UBE4B: variants seen among roughly 807,000 people sequenced by gnomAD.
The protein encoded by UBE4B is ubiquitination factor E4B, also known as ubiquitin conjugation factor E4 B.
A neutral mutation model predicts 148.1 loss-of-function variants in UBE4B; 27 were observed. The observed-to-expected ratio is 0.18, with a 90% CI of 0.13 to 0.25. UBE4B has a LOEUF of 0.25. Among genes scored for constraint, UBE4B ranks in the 10% least tolerant of loss-of-function variants. The pLI is 1.00. For missense variants in UBE4B, 1,170 were observed against 1,662.4 expected (o/e 0.70, Z 5.15); for synonymous variants, 596 against 619.3 (o/e 0.96, Z 0.56).
At chr1:10,034,285 C>A (rs1378842512) in intron 1 of UBE4B, among the ~76,000 whole-genome samples, 1 of 152,148 alleles carries the variant, frequency 6.6e-6, no homozygotes, top group Admixed American at 6.6e-5. Flanking sequence ...TGACTTCTGG[C>A]ATTCTTCTGT....
At chr1:10,102,709 C>T (rs1645036457) in intron 4 of UBE4B, among the ~76,000 whole-genome samples, 1 of 152,160 alleles carries the variant, frequency 6.6e-6, no homozygotes, top group East Asian at 1.9e-4. Flanking sequence ...CCACGCCCGG[C>T]CATCTTTGCT....
At chr1:10,153,759 C>T (rs1438301692) in intron 21 of UBE4B, among the ~76,000 whole-genome samples, 4 of 151,822 alleles carry the variant, frequency 2.6e-5, no homozygotes, top group South Asian at 2.1e-4. Flanking sequence ...ATGAGCCTCG[C>T]CAACATGGTG....
chr1:10,108,204 C>T (rs192700387), intron 7 of UBE4B, among the ~76,000 whole-genome samples: 1 of 149,954 alleles, frequency 6.7e-6, no homozygotes, highest in Non-Finnish European at 1.5e-5. Flanking sequence ...CCAGCCTCCA[C>T]CGCCCCCCTG....
At chr1:10,167,782 G>A (rs983264008) in intron 23 of UBE4B, among the ~76,000 whole-genome samples, 4 of 151,850 alleles carry the variant, frequency 2.6e-5, no homozygotes, top group African/African-American at 9.7e-5. Flanking sequence ...TAGTAGCGAC[G>A]GGGTTTCACC....
At chr1:10,150,272 A>T (rs143870474) in intron 20 of UBE4B, among the ~76,000 whole-genome samples, 1 of 152,318 alleles carries the variant, frequency 6.6e-6, no homozygotes, top group East Asian at 1.9e-4. Flanking sequence ...AAATTTTAAA[A>T]GTGACTCAAA....
intron 21 of UBE4B, among the ~76,000 whole-genome samples, chr1:10,155,027 T>G (rs948809302): frequency 6.6e-6 from 1 of 152,194 alleles, no homozygotes; most frequent in East Asian, 1.9e-4. Context: ...TAAATTTATT[T>G]TGTAGTCAGT....
At chr1:10,140,864 A>G (rs533533820) in intron 17 of UBE4B, among the ~76,000 whole-genome samples, 4 of 152,328 alleles carry the variant, frequency 2.6e-5, no homozygotes, top group African/African-American at 9.6e-5. Flanking sequence ...GTTTTGAATC[A>G]TTTCCTCTGA....
chr1:10,085,729 C>T (rs1032125602), intron 2 of UBE4B, among the ~76,000 whole-genome samples: 3 of 152,164 alleles, frequency 2.0e-5, no homozygotes, highest in South Asian at 2.1e-4. Context: ...TCACTAACAG[C>T]GTGCATTTGA....
chr1:10,061,155 A>G (rs1343902898), intron 1 of UBE4B, among the ~76,000 whole-genome samples: 1 of 152,186 alleles, frequency 6.6e-6, no homozygotes, highest in African/African-American at 2.4e-5. Context: ...TACTTGTAGA[A>G]TTTGTAGTAC....
chr1:10,125,288 G>C (rs1406200379), intron 10 of UBE4B, among the ~76,000 whole-genome samples: 1 of 152,188 alleles, frequency 6.6e-6, no homozygotes, highest in Non-Finnish European at 1.5e-5. Context: ...CTAATTTTTG[G>C]TGATTCTGGA....
chr1:10,120,333 C>T (rs1645389587), intron 9 of UBE4B, among the ~76,000 whole-genome samples: 1 of 151,942 alleles, frequency 6.6e-6, no homozygotes, highest in Non-Finnish European at 1.5e-5. Context: ...CTAGCCTGGC[C>T]AACATGGCAA....
intron 25 of UBE4B, among the ~76,000 whole-genome samples, chr1:10,175,503 T>C (rs1029000456): frequency 1.4e-5 from 2 of 144,548 alleles, no homozygotes; most frequent in Non-Finnish European, 3.0e-5. Context: ...TACAAAAAAT[T>C]AGCCAGGCGT....
rs1375456021 is a variant in UBE4B, at chr1:10,033,626, C to G, written c.-45C>G. The G allele has an allele frequency of 5.3e-6, 8 of 1,506,786 alleles. No individual in the cohort carries two copies. The highest frequency in any genetic ancestry group is 7.1e-6 in the Non-Finnish European group (8 of 1,126,248). The allele number at this position is 1,506,786 out of a possible 1,614,324, so 93.3% of individuals were successfully genotyped here. On this transcript the variant is annotated 5_prime_UTR_variant, in exon 1 of 28. Coordinates refer to ENST00000343090, the MANE Select transcript of UBE4B (RefSeq NM_001105562.3). ...CTTCCTCCCGCCGTGGTCTCGAGAACAGAAGGATCTCTCCTTAACGCCTTT... is the reference window on the plus strand; with the variant it reads ...CTTCCTCCCGCCGTGGTCTCGAGAAGAGAAGGATCTCTCCTTAACGCCTTT...
intron 24 of UBE4B, among the ~76,000 whole-genome samples, chr1:10,169,978 C>T (rs1646315315): frequency 6.6e-6 from 1 of 152,192 alleles, no homozygotes. Context: ...TCACGCCACT[C>T]CAACCTGGGT....
In UBE4B at chr1:10,130,540, C is replaced by T. The variant is rs1645576521; in HGVS notation, c.1736C>T (p.Pro579Leu). The change falls in exon 13 of 28, where the codon CCT (proline) becomes CTT (leucine). Residue 579 changes from proline (P) to leucine (L), a missense_variant. Pro to Leu is a moderately conservative substitution (Grantham distance 98, BLOSUM62 -3). Transcript: ENST00000343090. ...LRLWLPKSLSPGCGRELQRLS... is the reference protein window; with the variant it reads ...LRLWLPKSLSLGCGRELQRLS... ...TTGTGGTTGCCGAAATCCTTAAGTC[C>T]TGGCTGTGGGCGGGAGCTGCAGAGA... 7 of 1,614,146 alleles carry T rather than the reference C, an allele frequency of 4.3e-6. No individual in the cohort carries two copies. In the South Asian group the frequency reaches 4.4e-5, roughly 10 times the overall value.
At chr1:10,172,209 G>A (rs1175814201) in intron 25 of UBE4B, among the ~76,000 whole-genome samples, 1 of 152,174 alleles carries the variant, frequency 6.6e-6, no homozygotes, top group Admixed American at 6.5e-5. Flanking sequence ...TTTAGGCTAA[G>A]CTGTCCCTGC....
rs566771138 is a variant in UBE4B, at chr1:10,057,684, C to T, written c.25-14344C>T. On this transcript the variant is annotated intron_variant, in intron 1 of 27. Coordinates refer to ENST00000343090, the MANE Select transcript of UBE4B (RefSeq NM_001105562.3). ...GGTTGAGGCTGCAGTGAGTTGAAAT[C>T]GTGTTACTGTACTCCAACCTGGCTG... Among the ~76,000 whole-genome samples the T allele has an allele frequency of 4.7e-5, 7 of 147,472 alleles. No homozygotes were observed. The East Asian group carries it at 1.4e-3, about 29-fold the overall frequency.
At chr1:10,064,309 T>C (rs1261378373) in intron 1 of UBE4B, among the ~76,000 whole-genome samples, 1 of 152,232 alleles carries the variant, frequency 6.6e-6, no homozygotes, top group Non-Finnish European at 1.5e-5. Flanking sequence ...TTAGTGTAAA[T>C]GAATTTGAAT....
intron 23 of UBE4B, among the ~76,000 whole-genome samples, chr1:10,162,661 A>T (rs1422734473): frequency 2.2e-5 from 3 of 138,368 alleles, no homozygotes; most frequent in African/African-American, 8.3e-5. Context: ...GATTCAGGGG[A>T]TGGGGTACAT....
Sources: gnomAD v4.1 joint callset for allele counts (sites outside exome capture counted in the v4.1 genomes callset) on GRCh38, gnomAD v4.1.1 for gene constraint, MANE v1.5 for transcripts, NCBI Gene and HGNC (gene_info 2026-07-23, HGNC 2026-07-21) for gene names.